The following MAGI1 variants were observed in gnomAD, a reference collection of about 807,000 sequenced individuals.
MAGI1 encodes membrane associated guanylate kinase, WW and PDZ domain containing 1.
Under a neutral mutation model 139.9 loss-of-function variants are expected in MAGI1, and 58 were observed. That is an observed-to-expected ratio of 0.41 (90% CI 0.34 to 0.52). The LOEUF (loss-of-function observed/expected upper bound fraction) is 0.52. Among genes scored for constraint, MAGI1 ranks in the 20% least tolerant of loss-of-function variants. MAGI1 has a pLI of 0.12. For synonymous variants in MAGI1, 812 were observed against 737.9 expected (o/e 1.10, Z -1.63); for missense variants, 1,874 against 1,901.6 (o/e 0.99, Z 0.27).
chr3:65,737,568 G>A (rs1158493430), intron 1 of MAGI1, among the ~76,000 whole-genome samples: 1 of 152,170 alleles, frequency 6.6e-6, no homozygotes, highest in Non-Finnish European at 1.5e-5. Context: ...AAAGGAGAGA[G>A]CATTGTGGGA....
In MAGI1 at chr3:65,609,497, T is replaced by C. The variant is rs1559716829; in HGVS notation, c.430+12475A>G. Among the ~76,000 whole-genome samples the C allele has an allele frequency of 2.0e-5, 3 of 152,136 alleles. 1 individual carries two copies. Among genetic ancestry groups the C allele is most frequent in the Non-Finnish European group, 2.9e-5 (2 of 68,030 alleles). On this transcript the variant is annotated intron_variant, in intron 2 of 22. Coordinates refer to ENST00000402939, the MANE Select transcript of MAGI1 (RefSeq NM_001033057.2). Reference sequence around the variant, plus strand: ...TTTTACCATGTTGGTCAGGCTTGTCTTGAACTCCCGACCTCAAGCAATCCA... The same window carrying C: ...TTTTACCATGTTGGTCAGGCTTGTCCTGAACTCCCGACCTCAAGCAATCCA...
intron 1 of MAGI1, among the ~76,000 whole-genome samples, chr3:65,754,946 A>C (rs1228019386): frequency 6.6e-6 from 1 of 150,830 alleles, no homozygotes; most frequent in Non-Finnish European, 1.5e-5. Context: ...TTATTTATTT[A>C]TTATTTTTTA....
intron 2 of MAGI1, among the ~76,000 whole-genome samples, chr3:65,551,304 TTA>T (rs2079819278): frequency 6.6e-6 from 1 of 152,164 alleles, no homozygotes; most frequent in African/African-American, 2.4e-5. Context: ...CTTTCCTTTT[TTA>T]TTTTTATTTT....
chr3:65,812,464 T>TCTCTCTCA (rs2041312233), intron 1 of MAGI1, among the ~76,000 whole-genome samples: 1 of 93,654 alleles, frequency 1.1e-5, no homozygotes, highest in Non-Finnish European at 2.2e-5. Context: ...TCTCTCTCTC[T>TCTCTCTCA]CTCTCACACA....
chr3:65,672,162 G>A (rs1499501), intron 1 of MAGI1, among the ~76,000 whole-genome samples: 51,808 of 151,988 alleles, frequency 0.34, 9,316 homozygotes, highest in East Asian at 0.58. Context: ...ACACTGGGGA[G>A]TGTGCTCCTC....
chr3:65,521,928 G>A (rs1386948634), intron 2 of MAGI1, among the ~76,000 whole-genome samples: 2 of 152,106 alleles, frequency 1.3e-5, no homozygotes, highest in Non-Finnish European at 2.9e-5. Context: ...GTGTTCCTCT[G>A]ACATTTCTAT....
chr3:65,903,057 C>T (rs376948921), intron 1 of MAGI1, among the ~76,000 whole-genome samples: 3 of 152,044 alleles, frequency 2.0e-5, no homozygotes, highest in East Asian at 1.9e-4. Context: ...GGCGCAATCT[C>T]GGCTCACTGC....
rs1188171797 is a variant in MAGI1, at chr3:66,038,887, G to T, written c.-579C>A. On this transcript the variant is annotated 5_prime_UTR_variant, in exon 1 of 23. Transcript: ENST00000402939. ...TTCATTCTATTCCGCGCCGCGGAGC[G>T]CAGCGGCCGGCGACAGGAGACGCGC... The T allele has an allele frequency of 2.6e-5, 4 of 152,170 alleles. No homozygotes were observed. The highest frequency in any genetic ancestry group is 6.5e-5 in the Admixed American group (1 of 15,290). The allele number at this position is 152,170 out of a possible 1,614,324, so 9.4% of individuals were successfully genotyped here.
intron 2 of MAGI1, among the ~76,000 whole-genome samples, chr3:65,505,485 A>T (rs1036239990): frequency 5.9e-5 from 9 of 151,790 alleles, no homozygotes; most frequent in Admixed American, 2.6e-4. Context: ...CTCTAAAAAA[A>T]TTTTTTTAAA....
At chr3:65,736,410 T>G (rs2034736103) in intron 1 of MAGI1, among the ~76,000 whole-genome samples, 1 of 152,308 alleles carries the variant, frequency 6.6e-6, no homozygotes, top group South Asian at 2.1e-4. Flanking sequence ...AAGAAGAAGT[T>G]TATTTATAGG....
intron 5 of MAGI1, among the ~76,000 whole-genome samples, chr3:65,457,864 C>A (rs1349559802): frequency 6.6e-6 from 1 of 152,100 alleles, no homozygotes; most frequent in African/African-American, 2.4e-5. Flanking sequence ...TACAGTCACC[C>A]TGCTGTGCTA....
At chr3:65,781,719 G>A (rs1043634908) in intron 1 of MAGI1, among the ~76,000 whole-genome samples, 1 of 152,124 alleles carries the variant, frequency 6.6e-6, no homozygotes, top group East Asian at 1.9e-4. Flanking sequence ...ATAGCTTCTG[G>A]CCAATAATGG....
intron 13 of MAGI1, among the ~76,000 whole-genome samples, chr3:65,401,209 C>G (rs1171144492): frequency 6.6e-6 from 1 of 152,156 alleles, no homozygotes; most frequent in African/African-American, 2.4e-5. Flanking sequence ...ATTCTTTATC[C>G]TGGCTCCTGC....
chr3:65,850,467 C>T (rs987441845), intron 1 of MAGI1, among the ~76,000 whole-genome samples: 1 of 152,004 alleles, frequency 6.6e-6, no homozygotes, highest in Non-Finnish European at 1.5e-5. Context: ...CTTGAAGTGT[C>T]AAGATAAGCA....
chr3:65,468,316 T>G (rs1182777172), intron 5 of MAGI1, among the ~76,000 whole-genome samples: 1 of 151,162 alleles, frequency 6.6e-6, no homozygotes, highest in Admixed American at 6.6e-5. Flanking sequence ...ACAGAAGCTC[T>G]ATTTCACTTA....
chr3:65,524,353 T>C (rs1408886753), intron 2 of MAGI1, among the ~76,000 whole-genome samples: 2 of 152,196 alleles, frequency 1.3e-5, no homozygotes, highest in Non-Finnish European at 2.9e-5. Flanking sequence ...CAGCAGCTCA[T>C]AAAATTGCTG....
intron 1 of MAGI1, among the ~76,000 whole-genome samples, chr3:65,717,203 C>T (rs970417925): frequency 4.6e-5 from 7 of 152,114 alleles, no homozygotes; most frequent in African/African-American, 1.7e-4. Flanking sequence ...ATAGGACAAA[C>T]AACCGAAAAG....
intron 12 of MAGI1, 104 bp from the exon 13 acceptor site, chr3:65,401,574 C>T (rs1425483397): frequency 9.6e-6 from 15 of 1,555,632 alleles, no homozygotes; most frequent in Non-Finnish European, 1.3e-5. Flanking sequence ...GGCAACCTAG[C>T]CATCTGCAGA....
chr3:65,670,779 A>C (rs1333374987), intron 1 of MAGI1, among the ~76,000 whole-genome samples: 1 of 152,164 alleles, frequency 6.6e-6, no homozygotes, highest in Admixed American at 6.5e-5. Context: ...GAAACTGGGC[A>C]AATTTGCTAC....
Sources: allele counts gnomAD v4.1 joint callset (sites outside exome capture counted in the v4.1 genomes callset), GRCh38; gene constraint gnomAD v4.1.1; transcripts MANE v1.5; gene names NCBI Gene and HGNC (gene_info 2026-07-23, HGNC 2026-07-21).